NDRG4: variants seen among roughly 807,000 people sequenced by gnomAD.
NDRG4 encodes the protein protein NDRG4.
In NDRG4, 38 loss-of-function variants were observed where a neutral mutation model predicts 55.8. The ratio of observed to expected loss-of-function variants is 0.68; its 90% CI spans 0.53 to 0.89. The LOEUF (loss-of-function observed/expected upper bound fraction) is 0.89, where lower values mean the gene tolerates loss of function less well. Among genes scored for constraint, NDRG4 ranks in the 40% least tolerant of loss-of-function variants. The probability of loss-of-function intolerance (pLI) is 0.00; values close to 1 mark genes in which losing one functional copy is unlikely to be tolerated. For missense variants in NDRG4, 455 were observed against 468.6 expected (o/e 0.97, Z 0.27); for synonymous variants, 190 against 182.7 (o/e 1.04, Z -0.32).
At chr16:58,470,432 C>T (rs892928352) in intron 1 of NDRG4, among the ~76,000 whole-genome samples, 23 of 152,138 alleles carry the variant, frequency 1.5e-4, no homozygotes, top group African/African-American at 5.6e-4. Flanking sequence ...GCCATGGGAA[C>T]CTTGGAAGGA....
chr16:58,488,412 T>G (rs1271383986), intron 2 of NDRG4, among the ~76,000 whole-genome samples: 1 of 152,190 alleles, frequency 6.6e-6, no homozygotes, highest in Non-Finnish European at 1.5e-5. Context: ...GCCACCCTTT[T>G]TTGTTGTGAC....
intron 14 of NDRG4, chr16:58,511,093 G>A (rs570678354): frequency 6.4e-6 from 3 of 471,782 alleles, no homozygotes; most frequent in African/African-American, 1.9e-5. Context: ...GGCAGTATGC[G>A]ACCACCGCTC....
At chr16:58,482,717 C>T (rs1341061611) in intron 1 of NDRG4, among the ~76,000 whole-genome samples, 1 of 142,866 alleles carries the variant, frequency 7.0e-6, no homozygotes, top group African/African-American at 2.6e-5. Context: ...CCTTTCCTTC[C>T]TCCCTCCCTC....
intron 1 of NDRG4, among the ~76,000 whole-genome samples, chr16:58,475,055 C>T (rs2033431556): frequency 6.6e-6 from 1 of 152,138 alleles, no homozygotes; most frequent in African/African-American, 2.4e-5. Context: ...GAAAGATGCC[C>T]CTCGGGCTCT....
chr16:58,470,181 G>T (rs544960929), intron 1 of NDRG4, among the ~76,000 whole-genome samples: 2 of 152,046 alleles, frequency 1.3e-5, no homozygotes, highest in African/African-American at 2.4e-5. Context: ...TTCAAATTCT[G>T]TTTTTAAAAA....
chr16:58,486,661 C>G lies in NDRG4; in HGVS notation c.-23-1095C>G, dbSNP rs369766754. Reference sequence around the variant, plus strand: ...GCCATTCCTAGAGGAATTGTGGGGTCCTGGGACCCTCTGTCTTCCTTCCCT... The same window carrying G: ...GCCATTCCTAGAGGAATTGTGGGGTGCTGGGACCCTCTGTCTTCCTTCCCT... On this transcript the variant is annotated intron_variant, in intron 1 of 15. Transcript: ENST00000258187. Among the ~76,000 whole-genome samples the G allele has an allele frequency of 2.5e-3, 380 of 149,608 alleles. 3 individuals carry two copies. Among genetic ancestry groups the G allele is most frequent in the African/African-American group, 8.9e-3 (362 of 40,646 alleles).
At chr16:58,487,929 C>T in intron 2 of NDRG4, 4 of 1,123,290 alleles carry the variant, frequency 3.6e-6, no homozygotes, top group Non-Finnish European at 4.9e-6. Flanking sequence ...CGTGCCTTTC[C>T]TGCAGCCGAC....
chr16:58,509,401 G>A (rs1018452926), intron 13 of NDRG4, 49 bp downstream of exon 13: 2 of 1,594,988 alleles, frequency 1.3e-6, no homozygotes, highest in African/African-American at 1.3e-5. Context: ...CCGGTGGGCA[G>A]GCAGTGCTGG....
chr16:58,500,456 A>T, intron 1 of NDRG4, 187 bp downstream of exon 1: 12 of 604,710 alleles, frequency 2.0e-5, no homozygotes, highest in Non-Finnish European at 2.5e-5. Flanking sequence ...TGTTTGCAGG[A>T]GTGGCTGGGG....
At position 58,510,183 on chromosome 16, in the gene NDRG4, C is replaced by A. The variant is rs547590019; in HGVS notation, c.866-462C>A. 2.0e-5 allele frequency among the ~76,000 whole-genome samples: 3 copies of A among 152,356 alleles called. No individual in the cohort carries two copies. The East Asian group carries it at 5.8e-4, about 29-fold the overall frequency. ...GAATGCTCTCTGGAGCAGGGCAGAGCCCTAGGGCCCACAGGGAGGCTCCGC... is the reference window on the plus strand; with the variant it reads ...GAATGCTCTCTGGAGCAGGGCAGAGACCTAGGGCCCACAGGGAGGCTCCGC... On this transcript the variant is annotated intron_variant, in intron 13 of 14. Coordinates refer to ENST00000570248, the MANE Select transcript of NDRG4 (RefSeq NM_001242835.2).
rs367911034 is a variant in NDRG4 at position 58,502,911 on chromosome 16, C to T, written c.22-887C>T. 2.0e-4 allele frequency among the ~76,000 whole-genome samples: 31 copies of T among 152,332 alleles called. No individual in the cohort carries two copies. In the East Asian group the frequency reaches 4.8e-3, roughly 24 times the overall value. Reference sequence around the variant, plus strand: ...AAGGAACAGCGAGAAGGGCATTCTCCCAAGGCTCAGGGATGCCCTAGCATA... The same window carrying T: ...AAGGAACAGCGAGAAGGGCATTCTCTCAAGGCTCAGGGATGCCCTAGCATA... On this transcript the variant is annotated intron_variant, in intron 1 of 14. Coordinates refer to ENST00000570248, the MANE Select transcript of NDRG4 (RefSeq NM_001242835.2).
chr16:58,487,983 T>TG lies in NDRG4; in HGVS notation c.72+139dup, dbSNP rs1322121112. 8 of 612,366 alleles carry TG rather than the reference T, an allele frequency of 1.3e-5. No individual in the cohort carries two copies. In the Admixed American group the frequency reaches 2.0e-4, roughly 15 times the overall value. 37.9% of individuals were successfully genotyped at this position (612,366 alleles called of 1,614,324 possible). A position where few individuals can be genotyped will look rare whatever the true frequency, so the allele number is the denominator to read the frequency against. On this transcript the variant is annotated intron_variant, in intron 2 of 15. Coordinates refer to the NDRG4 transcript ENST00000258187. ...CACCGAGAAGCCCTGTCCCTGCCTG[T>TG]GGGGGGAGTTCCGGCAGGCCTGAGT...
chr16:58,494,894 C>G, intron 2 of NDRG4: 1 of 1,369,488 alleles, frequency 7.3e-7, no homozygotes, highest in South Asian at 1.2e-5. Context: ...ATTGAGTCTG[C>G]TAAGGCCCCA....
chr16:58,505,791 G>A (rs542473781), intron 5 of NDRG4, among the ~76,000 whole-genome samples: 12 of 134,122 alleles, frequency 8.9e-5, no homozygotes, highest in African/African-American at 2.2e-4. Context: ...GCATGATCTC[G>A]GCCCACTGCA....
chr16:58,468,793 A>G (rs2032223343), intron 1 of NDRG4, among the ~76,000 whole-genome samples: 1 of 152,212 alleles, frequency 6.6e-6, no homozygotes, highest in South Asian at 2.1e-4. Flanking sequence ...ACACGAGCTC[A>G]TTACAATTCT....
rs1460521942 is a variant in NDRG4, at chr16:58,512,215, A to G, written c.*639A>G. The G allele has an allele frequency of 7.3e-6, 3 of 411,702 alleles. No homozygotes were observed. Among genetic ancestry groups the G allele is most frequent in the East Asian group, 1.4e-4 (2 of 14,090 alleles). The allele number at this position is 411,702 out of a possible 1,614,324, so 25.5% of individuals were successfully genotyped here. On this transcript the variant is annotated 3_prime_UTR_variant, in exon 15 of 15. Coordinates refer to ENST00000570248, the MANE Select transcript of NDRG4 (RefSeq NM_001242835.2). ...AACATGGAGAACCGTCAGGGCAGGA[A>G]CCCCACAGACTGTCCCTTCCAGCCC...
At chr16:58,493,372 G>C (rs2036015661) in intron 2 of NDRG4, among the ~76,000 whole-genome samples, 1 of 152,224 alleles carries the variant, frequency 6.6e-6, no homozygotes, top group Non-Finnish European at 1.5e-5. Flanking sequence ...AGGTTCAAGT[G>C]ATTCTCCTGC....
At chr16:58,507,756 A>G in intron 8 of NDRG4, 52 bp from the exon 9 acceptor site, 1 of 1,578,346 alleles carries the variant, frequency 6.3e-7, no homozygotes, top group Non-Finnish European at 8.7e-7. Context: ...GATGCCCCTC[A>G]TCCTGTCCTG....
chr16:58,504,400 C>T lies in NDRG4; in HGVS notation c.290C>T (p.Pro97Leu). Residue 97 changes from proline (P) to leucine (L), a missense_variant, in exon 4 of 15, where the codon CCC becomes CTC. Coordinates refer to ENST00000570248, the MANE Select transcript of NDRG4 (RefSeq NM_001242835.2). ...ATGGAGCAGCTGGCTGCCATGCTCC[C>T]CAGCGTGGTGCAGCATTTCGGGTGA... Reference protein sequence around the residue: ...PSMEQLAAMLPSVVQHFGFKY... With the variant: ...PSMEQLAAMLLSVVQHFGFKY... The T allele has an allele frequency of 6.2e-7, 1 of 1,612,714 alleles. No individual in the cohort carries two copies.
Sources: allele counts gnomAD v4.1 joint callset (sites outside exome capture counted in the v4.1 genomes callset), GRCh38; gene constraint gnomAD v4.1.1; transcripts MANE v1.5; gene names NCBI Gene and HGNC (gene_info 2026-07-23, HGNC 2026-07-21).